The following GRIPAP1 variants were observed in gnomAD, a reference collection of about 807,000 sequenced individuals.
GRIPAP1 encodes GRIP1-associated protein 1.
Under a neutral mutation model 84.1 loss-of-function variants are expected in GRIPAP1, and 14 were observed. The ratio of observed to expected loss-of-function variants is 0.17; its 90% CI spans 0.11 to 0.26. The LOEUF is 0.26. Among genes scored for constraint, GRIPAP1 ranks in the 10% least tolerant of loss-of-function variants. The pLI is 1.00. For missense variants in GRIPAP1, 518 were observed against 674.2 expected, an observed-to-expected ratio of 0.77 and a Z score of 2.57; for synonymous variants, 261 against 256.8, an observed-to-expected ratio of 1.02 and a Z score of -0.15.
At chrX:48,999,148 C>T (rs909768976) in intron 3 of GRIPAP1, 90 bp downstream of exon 3, 1 of 594,963 alleles carries the variant, frequency 1.7e-6, no homozygotes, top group Non-Finnish European at 2.8e-6. Context: ...AGGTCTGGTT[C>T]ACTGTAGGTG....
At chrX:48,981,525 A>G in intron 19 of GRIPAP1, 53 bp from the exon 20 acceptor site, 1 of 1,178,605 alleles carries the variant, frequency 8.5e-7, no homozygotes, top group Non-Finnish European at 1.2e-6. Context: ...TGCCTGAAGC[A>G]TGCTCCCTCC....
rs1254287854 is a variant in GRIPAP1 at position 48,973,852 on chromosome X, T to C, written c.*341A>G. 7.9e-6 allele frequency: 1 copy of C among 127,279 alleles called. No individual in the cohort carries two copies. Among genetic ancestry groups the C allele is most frequent in the African/African-American group, 3.4e-5 (1 of 29,778 alleles). The allele number at this position is 127,279 out of a possible 1,213,427, so 10.5% of individuals were successfully genotyped here. A position where few individuals can be genotyped will look rare whatever the true frequency, so the allele number is the denominator to read the frequency against. ...AGCATCCCCAATCCCAAATGCAGAG[T>C]AGCCAGGCTCCAGACATAAATTAAA... On this transcript the variant is annotated 3_prime_UTR_variant, in exon 26 of 26. Coordinates refer to ENST00000376423, the MANE Select transcript of GRIPAP1 (RefSeq NM_020137.5).
intron 17 of GRIPAP1, among the ~76,000 whole-genome samples, chrX:48,982,293 A>G (rs2064461889): frequency 8.9e-6 from 1 of 112,288 alleles, no homozygotes; most frequent in African/African-American, 3.2e-5. Context: ...ATTCAAACCT[A>G]GACAAACAAC....
In GRIPAP1 at chrX:48,999,316, A is replaced by G; in HGVS notation, c.110-17T>C. The G allele has an allele frequency of 8.4e-7, 1 of 1,192,111 alleles. No homozygotes were observed. Among genetic ancestry groups the G allele is most frequent in the Non-Finnish European group, 1.1e-6 (1 of 877,705 alleles). On this transcript the variant is annotated splice_polypyrimidine_tract_variant and intron_variant, in intron 2 of 25. Transcript: ENST00000376423. ...TGGTGAGTTCTGGTGTCGGGAAAGC[A>G]GGGAAACTCAGCCTCAGCCAGTGGC...
intron 6 of GRIPAP1, among the ~76,000 whole-genome samples, chrX:48,992,925 A>G (rs1293946899): frequency 9.1e-6 from 1 of 110,010 alleles, no homozygotes; most frequent in Admixed American, 9.7e-5. Context: ...GGTTCACACC[A>G]TTCTCCTGCC....
chrX:48,978,409 T>C lies in GRIPAP1; in HGVS notation c.1957A>G (p.Met653Val). The change falls in exon 22 of 26, where the codon ATG becomes GTG. Residue 653 changes from methionine to valine, a missense_variant. By Grantham distance (21) the Met-to-Val change is conservative. Coordinates refer to ENST00000376423, the MANE Select transcript of GRIPAP1 (RefSeq NM_020137.5). ...GTCTGGGTCCGGCTTGGTGAGTTCA[T>C]CTCTGAGAGAACCAGCTCCTCAAGG... The part of the protein sequence containing the change: ...SGLEELVLSE[M>V]NSPSRTQTGD... 8.3e-7 allele frequency: 1 copy of C among 1,204,377 alleles called. No homozygotes were observed. The highest frequency in any genetic ancestry group is 2.4e-4 in the Middle Eastern group (1 of 4,252).
intron 24 of GRIPAP1, 32 bp from the exon 25 acceptor site, chrX:48,975,341 CGGCAGAGCCAGAGGAGAGCCA>C (rs1170784606): frequency 7.6e-6 from 9 of 1,186,498 alleles, no homozygotes; most frequent in South Asian, 7.4e-5. Context: ...ACCACCCCCT[CGGCAGAGCCAGAGGAGAGCCA>C]GGCAGAGCCA....
intron 13 of GRIPAP1, among the ~76,000 whole-genome samples, chrX:48,986,422 C>T (rs62600355): frequency 0.1 from 10,962 of 109,790 alleles, 464 homozygotes; most frequent in South Asian, 0.31. Flanking sequence ...GATGGAGTCT[C>T]ACTCTGTCAC....
intron 13 of GRIPAP1, among the ~76,000 whole-genome samples, chrX:48,987,123 C>T (rs1287833527): frequency 9.8e-6 from 1 of 101,654 alleles, no homozygotes; most frequent in East Asian, 3.1e-4. Context: ...GCTAGGATTA[C>T]AGAATTGAGC....
At chrX:48,998,651 G>T (rs1243509541) in intron 3 of GRIPAP1, among the ~76,000 whole-genome samples, 1 of 112,566 alleles carries the variant, frequency 8.9e-6, no homozygotes, top group African/African-American at 3.2e-5. Flanking sequence ...CTACCAAAGA[G>T]AAGTGCAGCT....
At chrX:48,988,018 TG>T in intron 12 of GRIPAP1, 102 bp downstream of exon 12, 1 of 609,076 alleles carries the variant, frequency 1.6e-6, no homozygotes. Flanking sequence ...CACGAAGGCC[TG>T]GGGGAAGCAG....
Position 48,981,653 on chromosome X carries a change from G to A in GRIPAP1, c.1716C>T (p.Leu572=), listed in dbSNP as rs1359859805. The part of the protein sequence containing the change: ...EEELQDVRDQ[L]EQAQEERDCH... Reference sequence around the variant, plus strand: ...AGTCCCGCTCCTCCTGGGCCTGCTCGAGCTGATCCCGTACATCCTGTAGCT... The same window carrying A: ...AGTCCCGCTCCTCCTGGGCCTGCTCAAGCTGATCCCGTACATCCTGTAGCT... Residue 572 remains leucine (L), a synonymous_variant, in exon 19 of 26, where the codon CTC becomes CTT. Transcript: ENST00000376423. 7.4e-6 allele frequency: 9 copies of A among 1,209,668 alleles called. No individual in the cohort carries two copies. Among genetic ancestry groups the A allele is most frequent in the Non-Finnish European group, 9.0e-6 (8 of 893,491 alleles).
intron 24 of GRIPAP1, chrX:48,975,547 A>T (rs781862798): frequency 3.2e-5 from 12 of 376,588 alleles, no homozygotes; most frequent in Admixed American, 2.5e-4. Flanking sequence ...CTGTATGTGA[A>T]GCACAGAGCA....
At chrX:48,993,099 C>T (rs1393943647) in intron 6 of GRIPAP1, among the ~76,000 whole-genome samples, 3 of 112,774 alleles carry the variant, frequency 2.7e-5, no homozygotes, top group Non-Finnish European at 3.8e-5. Context: ...GGATTACAGG[C>T]GTGAGCCACC....
intron 5 of GRIPAP1, among the ~76,000 whole-genome samples, chrX:48,997,017 G>T (rs1440526229): frequency 9.0e-6 from 1 of 111,531 alleles, no homozygotes; most frequent in Non-Finnish European, 1.9e-5. Context: ...AATAAAAGGA[G>T]TGACTTGGCC....
intron 5 of GRIPAP1, among the ~76,000 whole-genome samples, chrX:48,995,134 G>C (rs2064540744): frequency 8.9e-6 from 1 of 112,113 alleles, no homozygotes; most frequent in East Asian, 2.8e-4. Context: ...GATGAATAAG[G>C]GGTGGTGGCA....
At chrX:48,987,362 T>C (rs782668673) in intron 13 of GRIPAP1, among the ~76,000 whole-genome samples, 1 of 105,003 alleles carries the variant, frequency 9.5e-6, no homozygotes, top group South Asian at 4.3e-4. Flanking sequence ...TTGCCCAGGC[T>C]GGTCTTGAAC....
intron 11 of GRIPAP1, 77 bp from the exon 12 acceptor site, chrX:48,988,275 AC>A: frequency 2.9e-6 from 2 of 693,389 alleles, no homozygotes; most frequent in Non-Finnish European, 4.4e-6. Flanking sequence ...TCTCTGTTTG[AC>A]CACCCAGCAG....
In GRIPAP1 at chrX:48,991,174, G is replaced by A. The variant is rs148300075; in HGVS notation, c.458-64C>T. 5.7e-3 allele frequency: 4,644 copies of A among 810,095 alleles called. 11 individuals carry two copies. Among genetic ancestry groups the A allele is most frequent in the Non-Finnish European group, 7.5e-3 (4,027 of 537,772 alleles). 66.8% of individuals were successfully genotyped at this position (810,095 alleles called of 1,213,427 possible). A position where few individuals can be genotyped will look rare whatever the true frequency, so the allele number is the denominator to read the frequency against. ...TCTCTGAAGTCCCTTGCCATGCCTC[G>A]AATAGAGGGAGAACTGGCCTTCAAC... On this transcript the variant is annotated intron_variant, in intron 6 of 25. Transcript: ENST00000376423.
Sources: allele counts gnomAD v4.1 joint callset (sites outside exome capture counted in the v4.1 genomes callset), GRCh38; gene constraint gnomAD v4.1.1; transcripts MANE v1.5; gene names NCBI Gene and HGNC (gene_info 2026-07-23, HGNC 2026-07-21).